PHKB: variants seen among roughly 807,000 people sequenced by gnomAD.
PHKB encodes the protein phosphorylase b kinase regulatory subunit beta.
A neutral mutation model predicts 152.1 loss-of-function variants in PHKB; 122 were observed. The observed-to-expected ratio is 0.80, with a 90% CI of 0.69 to 0.93. The LOEUF (loss-of-function observed/expected upper bound fraction) is 0.93, where lower values mean the gene tolerates loss of function less well. Ranked by LOEUF, PHKB falls within the 40% of genes least tolerant of loss-of-function variation. The pLI is 0.00. For missense variants in PHKB, 1,304 were observed against 1,328.4 expected (o/e 0.98, Z 0.29); for synonymous variants, 436 against 464.9 (o/e 0.94, Z 0.80).
At chr16:47,698,737 C>T (rs1389500609) in intron 30 of PHKB, 149 bp downstream of exon 30, 5 of 674,620 alleles carry the variant, frequency 7.4e-6, no homozygotes, top group South Asian at 2.0e-5. Flanking sequence ...CTGCCTTTTT[C>T]GAGGAATTAA....
chr16:47,651,464 C>T (rs1973236461), intron 20 of PHKB, among the ~76,000 whole-genome samples: 1 of 152,190 alleles, frequency 6.6e-6, no homozygotes, highest in Non-Finnish European at 1.5e-5. Context: ...CCTCTGCTCA[C>T]ACCATTTTCT....
intron 7 of PHKB, among the ~76,000 whole-genome samples, chr16:47,559,806 A>T (rs1353501271): frequency 6.6e-6 from 1 of 152,218 alleles, no homozygotes; most frequent in Non-Finnish European, 1.5e-5. Flanking sequence ...AGCAGGGGAT[A>T]TTAGACTCCA....
intron 16 of PHKB, among the ~76,000 whole-genome samples, chr16:47,642,203 CT>C (rs1973037236): frequency 6.6e-6 from 1 of 151,904 alleles, no homozygotes; most frequent in Admixed American, 6.6e-5. Context: ...CACTACTTTC[CT>C]TTTTTTCTCT....
intron 5 of PHKB, among the ~76,000 whole-genome samples, chr16:47,513,277 G>T (rs935259273): frequency 7.9e-5 from 12 of 152,134 alleles, no homozygotes; most frequent in African/African-American, 2.9e-4. Flanking sequence ...CCCTGTAAAA[G>T]GCTGCCCATA....
At chr16:47,647,002 C>T (rs115373087) in intron 16 of PHKB, among the ~76,000 whole-genome samples, 2,271 of 152,286 alleles carry the variant, frequency 0.015, 56 homozygotes, top group African/African-American at 0.051. Context: ...CCAAGACTAT[C>T]TGTTTTTAAC....
At chr16:47,618,054 G>C (rs1285885258) in intron 14 of PHKB, among the ~76,000 whole-genome samples, 1 of 152,186 alleles carries the variant, frequency 6.6e-6, no homozygotes, top group East Asian at 1.9e-4. Context: ...TTACTCCATT[G>C]TGCTTGCAAA....
At chr16:47,594,815 A>G (rs1287125494) in intron 12 of PHKB, among the ~76,000 whole-genome samples, 1 of 152,114 alleles carries the variant, frequency 6.6e-6, no homozygotes, top group Admixed American at 6.6e-5. Context: ...TAACTGGAAA[A>G]CCAATTTTCA....
rs556447194 is a variant in PHKB, at chr16:47,557,896, G to T, written c.710+10348G>T. ...ATCCCATTACTGGGTATATTCCCAA[G>T]GAATTATAAATCATGCTGCTATAAA... On this transcript the variant is annotated intron_variant, in intron 7 of 30. Coordinates refer to ENST00000323584, the MANE Select transcript of PHKB (RefSeq NM_000293.3). Among the ~76,000 whole-genome samples the T allele has an allele frequency of 4.6e-5, 7 of 152,210 alleles. No homozygotes were observed. The East Asian group carries it at 1.2e-3, about 25-fold the overall frequency.
intron 7 of PHKB, 21 bp downstream of exon 7, chr16:47,547,569 G>GTT: frequency 3.2e-5 from 39 of 1,217,578 alleles, no homozygotes; most frequent in Non-Finnish European, 4.0e-5. Context: ...GATTTCTGAG[G>GTT]TTTTTTTTTT....
chr16:47,578,382 A>C (rs1971784548), intron 7 of PHKB, among the ~76,000 whole-genome samples: 1 of 151,696 alleles, frequency 6.6e-6, no homozygotes, highest in African/African-American at 2.4e-5. Context: ...GTGTTTTTTG[A>C]TTGACGTATA....
chr16:47,556,866 C>A (rs992548353), intron 7 of PHKB, among the ~76,000 whole-genome samples: 4 of 152,160 alleles, frequency 2.6e-5, no homozygotes, highest in African/African-American at 9.7e-5. Flanking sequence ...CCTTGTACCT[C>A]AGGTAGAATT....
chr16:47,519,114 A>C (rs1185470046), intron 6 of PHKB, among the ~76,000 whole-genome samples: 1 of 152,228 alleles, frequency 6.6e-6, no homozygotes, highest in South Asian at 2.1e-4. Context: ...AATTGTGCAC[A>C]AAACTGTAGG....
intron 14 of PHKB, among the ~76,000 whole-genome samples, chr16:47,630,251 G>A (rs928266379): frequency 1.6e-4 from 24 of 152,130 alleles, no homozygotes; most frequent in Non-Finnish European, 2.5e-4. Context: ...GGAGGCCGAG[G>A]TGGGCAGATC....
At chr16:47,576,216 G>A in intron 7 of PHKB, among the ~76,000 whole-genome samples, 1 of 152,176 alleles carries the variant, frequency 6.6e-6, no homozygotes, top group East Asian at 1.9e-4. Flanking sequence ...TAAAGAAATT[G>A]TGGAATTTCC....
chr16:47,583,608 A>T (rs1971886047), intron 8 of PHKB, among the ~76,000 whole-genome samples: 1 of 152,170 alleles, frequency 6.6e-6, no homozygotes, highest in African/African-American at 2.4e-5. Context: ...TCTTGGTGGC[A>T]ACTCAAGAGA....
intron 7 of PHKB, among the ~76,000 whole-genome samples, chr16:47,548,606 CAA>C (rs11333810): frequency 5.6e-4 from 47 of 83,480 alleles, no homozygotes; most frequent in African/African-American, 1.0e-3. Context: ...GACTCCGTCT[CAA>C]AAAAAAAAAA....
At chr16:47,556,243 A>G (rs1184706766) in intron 7 of PHKB, among the ~76,000 whole-genome samples, 3 of 152,122 alleles carry the variant, frequency 2.0e-5, no homozygotes, top group Admixed American at 2.0e-4. Context: ...CTCTTTTCCT[A>G]ATTGAATGCC....
At chr16:47,633,858 T>C (rs1972869611) in intron 14 of PHKB, among the ~76,000 whole-genome samples, 1 of 152,206 alleles carries the variant, frequency 6.6e-6, no homozygotes, top group Non-Finnish European at 1.5e-5. Context: ...ACTATATCTG[T>C]TTACTAACTC....
At chr16:47,473,673 C>T (rs1427111593) in intron 1 of PHKB, among the ~76,000 whole-genome samples, 1 of 151,806 alleles carries the variant, frequency 6.6e-6, no homozygotes, top group Non-Finnish European at 1.5e-5. Flanking sequence ...TGTAGATGAA[C>T]AGTTGTGGTA....
Sources: allele counts gnomAD v4.1 joint callset (sites outside exome capture counted in the v4.1 genomes callset), GRCh38; gene constraint gnomAD v4.1.1; transcripts MANE v1.5; gene names NCBI Gene and HGNC (gene_info 2026-07-23, HGNC 2026-07-21).